Variants in SYNE2 observed in about 807,000 individuals in gnomAD.
SYNE2 encodes the protein nesprin-2.
In SYNE2, 431 loss-of-function variants were observed where a neutral mutation model predicts 856.3. The observed-to-expected ratio is 0.50, with a 90% CI of 0.47 to 0.55. The LOEUF (loss-of-function observed/expected upper bound fraction) is 0.55. Among genes scored for constraint, SYNE2 ranks in the 20% least tolerant of loss-of-function variants. SYNE2 has a pLI of 0.00. For missense variants in SYNE2, 8,129 were observed against 8,023.2 expected, an observed-to-expected ratio of 1.01 and a Z score of -0.50; for synonymous variants, 2,923 against 2,872.3, an observed-to-expected ratio of 1.02 and a Z score of -0.56.
At chr14:63,797,603 G>A (rs905933317) in intron 1 of SYNE2, among the ~76,000 whole-genome samples, 5 of 151,996 alleles carry the variant, frequency 3.3e-5, no homozygotes, top group Admixed American at 6.6e-5. Flanking sequence ...CACCACACCC[G>A]GCTAATTTTT....
chr14:63,776,478 T>A (rs1404816527), intron 1 of SYNE2, among the ~76,000 whole-genome samples: 2 of 152,176 alleles, frequency 1.3e-5, no homozygotes, highest in Non-Finnish European at 2.9e-5. Flanking sequence ...TATAGATCCT[T>A]GGATGAATTC....
chr14:64,170,147 A>G (rs1001170962), intron 93 of SYNE2, 81 bp from the exon 94 acceptor site: 1 of 1,329,928 alleles, frequency 7.5e-7, no homozygotes, highest in Non-Finnish European at 1.1e-6. Context: ...TAAAAACTGA[A>G]TCTGAGCTGC....
Position 64,053,161 on chromosome 14 carries a change from A to G in SYNE2, c.9248A>G (p.Asn3083Ser). Residue 3083 changes from asparagine (N) to serine (S), a missense_variant, in exon 48 of 116, where the codon AAT becomes AGT. Asn to Ser is a conservative substitution (Grantham distance 46, BLOSUM62 1). Coordinates refer to ENST00000555002, the MANE Select transcript of SYNE2 (RefSeq NM_182914.3). The stretch of plus-strand genomic sequence containing the variant: ...AGCTCTCCGGAAAGCAGACGGCTCA[A>G]TGCCCAAATTTTAAGTCAGAGAATT... ...PDSSPESRRL[N>S]AQILSQRIEK... The G allele has an allele frequency of 6.2e-7, 1 of 1,614,166 alleles. No homozygotes were observed. Among genetic ancestry groups the G allele is most frequent in the Non-Finnish European group, 8.5e-7 (1 of 1,180,024 alleles).
rs376323385 is a variant in SYNE2, at chr14:64,027,529, T to C, written c.6450T>C (p.Ser2150=). Residue 2150 remains serine, a synonymous_variant, in exon 43 of 116, where the codon AGT becomes AGC. Coordinates refer to ENST00000555002, the MANE Select transcript of SYNE2 (RefSeq NM_182914.3). ...TAGAAGGAGAGAAATATTTACAAAGTAAGGAGGATCTGAGATTAATGCTCA... is the reference window on the plus strand; with the variant it reads ...TAGAAGGAGAGAAATATTTACAAAGCAAGGAGGATCTGAGATTAATGCTCA... ...LLLEGEKYLQ[S]KEDLRLMLIE... 17 of 1,608,792 alleles carry C rather than the reference T, an allele frequency of 1.1e-5. No homozygotes were observed. The highest frequency in any genetic ancestry group is 1.7e-5 in the Admixed American group (1 of 59,484).
rs761035493 is a variant in SYNE2 at position 64,053,333 on chromosome 14, G to A, written c.9420G>A (p.Met3140Ile). 1 of 1,611,282 alleles carries A rather than the reference G, an allele frequency of 6.2e-7. No homozygotes were observed. Among genetic ancestry groups the A allele is most frequent in the Non-Finnish European group, 8.5e-7 (1 of 1,179,394 alleles). ...NDKLYKVLQN[M>I]VLELSPKELD... is the part of the protein sequence containing the mutation. Reference sequence around the variant, plus strand: ...AGTTATACAAAGTTCTCCAAAACATGGTATTAGAACTCTCACCAAAAGAAT... The same window carrying A: ...AGTTATACAAAGTTCTCCAAAACATAGTATTAGAACTCTCACCAAAAGAAT... The change falls in exon 48 of 116, where the codon ATG (methionine) becomes ATA (isoleucine). Residue 3140 changes from methionine to isoleucine, a missense_variant. Physicochemically the swap from Met to Ile is conservative, Grantham distance 10. Transcript: ENST00000555002.
chr14:64,168,823 G>A, intron 92 of SYNE2, 54 bp from the exon 93 acceptor site: 1 of 1,218,444 alleles, frequency 8.2e-7, no homozygotes, highest in Middle Eastern at 1.9e-4. Context: ...TAGGTTCCGA[G>A]ATTCATAAAA....
chr14:63,948,782 GTATA>G (rs3062027), intron 6 of SYNE2, among the ~76,000 whole-genome samples: 1,751 of 43,708 alleles, frequency 0.04, 46 homozygotes, highest in Non-Finnish European at 0.051. Context: ...ATGTGTGTGT[GTATA>G]TATATATATA....
chr14:64,058,767 C>T (rs1416999868), intron 49 of SYNE2, among the ~76,000 whole-genome samples: 3 of 152,206 alleles, frequency 2.0e-5, no homozygotes, highest in Admixed American at 6.5e-5. Flanking sequence ...AAGTGTGAGC[C>T]ACCACATCCA....
At chr14:64,126,247 A>G (rs1291026675) in intron 71 of SYNE2, 80 bp from the exon 72 acceptor site, 5 of 1,275,396 alleles carry the variant, frequency 3.9e-6, no homozygotes, top group Middle Eastern at 2.4e-4. Context: ...ATCATAAACT[A>G]TAATGGAAAC....
chr14:64,098,625 G>C lies in SYNE2; in HGVS notation c.12307-122G>C, dbSNP rs1044854455. The C allele has an allele frequency of 7.5e-6, 7 of 938,918 alleles. No homozygotes were observed. In the East Asian group the frequency reaches 1.3e-4, roughly 18 times the overall value. The allele number at this position is 938,918 out of a possible 1,614,324, so 58.2% of individuals were successfully genotyped here. ...ACGGACCAGGAGACAGGCTTCTTGT[G>C]GGGGTGGGCATCTTGGATAAAGTAA... On this transcript the variant is annotated intron_variant, in intron 62 of 115. Transcript: ENST00000555002.
At chr14:64,073,014 G>C (rs182970703) in intron 52 of SYNE2, among the ~76,000 whole-genome samples, 4 of 152,280 alleles carry the variant, frequency 2.6e-5, no homozygotes, top group East Asian at 3.9e-4. Context: ...GGGCTTCCCT[G>C]CTCTCTCTAG....
At chr14:64,058,871 C>T (rs940526797) in intron 49 of SYNE2, among the ~76,000 whole-genome samples, 4 of 152,006 alleles carry the variant, frequency 2.6e-5, no homozygotes, top group Admixed American at 2.6e-4. Context: ...TTTATCTCCT[C>T]TGACTGTGTA....
chr14:63,891,048 T>A (rs193031801), intron 1 of SYNE2, among the ~76,000 whole-genome samples: 7 of 152,282 alleles, frequency 4.6e-5, no homozygotes, highest in Non-Finnish European at 8.8e-5. Context: ...TTCATGAATT[T>A]GGTTTATATT....
In SYNE2 at chr14:64,052,495, T is replaced by C. The variant is rs755550791; in HGVS notation, c.8582T>C (p.Val2861Ala). 1 of 1,614,050 alleles carries C rather than the reference T, an allele frequency of 6.2e-7. No homozygotes were observed. Among genetic ancestry groups the C allele is most frequent in the Non-Finnish European group, 8.5e-7 (1 of 1,179,986 alleles). Residue 2861 changes from valine (V) to alanine (A), a missense_variant, in exon 48 of 116, where the codon GTG (valine) becomes GCG (alanine). Physicochemically the swap from Val to Ala is moderately conservative, Grantham distance 64. Transcript: ENST00000555002. ...AGTGAAACACTGATAATTCCCAGGGTGGAGACAGCTGCCACGGAAGCTGAA... is the reference window on the plus strand; with the variant it reads ...AGTGAAACACTGATAATTCCCAGGGCGGAGACAGCTGCCACGGAAGCTGAA... ...QESETLIIPR[V>A]ETAATEAELK... is the part of the protein sequence containing the mutation.
rs745658788 is a variant in SYNE2, at chr14:64,113,325, T to C, written c.12610-16T>C. On this transcript the variant is annotated splice_polypyrimidine_tract_variant and intron_variant, in intron 65 of 115. Coordinates refer to ENST00000555002, the MANE Select transcript of SYNE2 (RefSeq NM_182914.3). ...AAAACTTTGGACTCCCTGGCTTATC[T>C]TTGGATTTCTCTTAGGGCACCACAC... 6.2e-7 allele frequency: 1 copy of C among 1,613,402 alleles called. No homozygotes were observed. The highest frequency in any genetic ancestry group is 8.5e-7 in the Non-Finnish European group (1 of 1,180,012).
At chr14:63,857,745 C>T (rs924133763) in intron 1 of SYNE2, among the ~76,000 whole-genome samples, 41 of 152,024 alleles carry the variant, frequency 2.7e-4, no homozygotes, top group Non-Finnish European at 2.9e-5. Flanking sequence ...GCTTATTTAC[C>T]ATCCATTTAT....
At chr14:64,053,933 C>A (rs1197473946) in intron 48 of SYNE2, among the ~76,000 whole-genome samples, 2 of 152,178 alleles carry the variant, frequency 1.3e-5, no homozygotes, top group Admixed American at 6.5e-5. Flanking sequence ...CCCGGCACTG[C>A]TCTCCAGCCT....
At chr14:63,986,090 GGT>G (rs2096623624) in intron 18 of SYNE2, among the ~76,000 whole-genome samples, 1 of 152,108 alleles carries the variant, frequency 6.6e-6, no homozygotes, top group South Asian at 2.1e-4. Context: ...GAAAGAAAGT[GGT>G]GTAACTTTTT....
chr14:64,022,093 C>A, intron 37 of SYNE2, 65 bp downstream of exon 37: 1 of 1,473,796 alleles, frequency 6.8e-7, no homozygotes, highest in Non-Finnish European at 9.5e-7. Flanking sequence ...GTACTGTGAA[C>A]ACAAAAGCTA....
Sources: gnomAD v4.1 joint callset for allele counts (sites outside exome capture counted in the v4.1 genomes callset) on GRCh38, gnomAD v4.1.1 for gene constraint, MANE v1.5 for transcripts, NCBI Gene and HGNC (gene_info 2026-07-23, HGNC 2026-07-21) for gene names.